The following COG5 variants were observed in gnomAD, a reference collection of about 807,000 sequenced individuals.
COG5 encodes the protein component of oligomeric golgi complex 5, also known as conserved oligomeric Golgi complex subunit 5.
In COG5, 86 loss-of-function variants were observed where a neutral mutation model predicts 110.4. The observed-to-expected ratio is 0.78, with a 90% CI of 0.65 to 0.93. The LOEUF is 0.93. Ranked by LOEUF, COG5 falls within the 40% of genes least tolerant of loss-of-function variation. COG5 has a pLI of 0.00. For synonymous variants in COG5, 360 were observed against 334.6 expected (o/e 1.08, Z -0.83); for missense variants, 1,077 against 987.0 (o/e 1.09, Z -1.22).
chr7:107,467,473 C>A (rs1796362971), intron 6 of COG5, among the ~76,000 whole-genome samples: 1 of 152,146 alleles, frequency 6.6e-6, no homozygotes, highest in South Asian at 2.1e-4. Context: ...TCTCATTCCT[C>A]AACCTCGCGA....
At chr7:107,366,200 G>A (rs909282361) in intron 8 of COG5, among the ~76,000 whole-genome samples, 3 of 152,004 alleles carry the variant, frequency 2.0e-5, no homozygotes, top group Non-Finnish European at 2.9e-5. Context: ...TATAATAAAC[G>A]AGAGTGAAAA....
At chr7:107,435,155 G>A (rs936377120) in intron 6 of COG5, among the ~76,000 whole-genome samples, 1 of 152,058 alleles carries the variant, frequency 6.6e-6, no homozygotes, top group African/African-American at 2.4e-5. Flanking sequence ...AGGTGGGGGA[G>A]AGGAAAATTA....
At chr7:107,514,500 A>AT (rs1023708340) in intron 6 of COG5, among the ~76,000 whole-genome samples, 6 of 152,146 alleles carry the variant, frequency 3.9e-5, no homozygotes, top group Admixed American at 6.5e-5. Context: ...TAATAATGTG[A>AT]TTTTTTTAAA....
chr7:107,209,790 A>G (rs1799031498), intron 21 of COG5: 1 of 981,790 alleles, frequency 1.0e-6, no homozygotes, highest in Non-Finnish European at 1.2e-6. Flanking sequence ...AGCATCAATA[A>G]AAATGTGCTG....
At chr7:107,377,760 G>C (rs1366285791) in intron 7 of COG5, among the ~76,000 whole-genome samples, 1 of 152,182 alleles carries the variant, frequency 6.6e-6, no homozygotes, top group East Asian at 1.9e-4. Flanking sequence ...CCTCCTTTCT[G>C]GGCAGGGCAT....
chr7:107,490,873 C>T (rs1015956167), intron 6 of COG5, among the ~76,000 whole-genome samples: 1 of 151,988 alleles, frequency 6.6e-6, no homozygotes, highest in Non-Finnish European at 1.5e-5. Flanking sequence ...TATTATGAAG[C>T]CTCTAAAGTA....
At chr7:107,338,881 A>T (rs1810936545) in intron 10 of COG5, among the ~76,000 whole-genome samples, 1 of 152,160 alleles carries the variant, frequency 6.6e-6, no homozygotes. Flanking sequence ...GGGAGTTCTA[A>T]CCATGGAAAT....
intron 3 of COG5, among the ~76,000 whole-genome samples, chr7:107,553,691 C>G (rs1803088929): frequency 6.6e-6 from 1 of 151,836 alleles, no homozygotes; most frequent in Admixed American, 6.6e-5. Context: ...CAAAAATAAG[C>G]AGATTTGTAA....
intron 6 of COG5, among the ~76,000 whole-genome samples, chr7:107,429,332 A>C (rs138126736): frequency 6.6e-6 from 1 of 152,092 alleles, no homozygotes; most frequent in Non-Finnish European, 1.5e-5. Context: ...GGGGGTGTAA[A>C]GTGGTATATC....
intron 19 of COG5, among the ~76,000 whole-genome samples, chr7:107,229,139 G>T (rs1011752212): frequency 6.6e-6 from 1 of 151,966 alleles, no homozygotes; most frequent in Non-Finnish European, 1.5e-5. Flanking sequence ...CTTAGGGTTG[G>T]CCACCTTTTT....
At chr7:107,515,862 G>T (rs1799884030) in intron 6 of COG5, among the ~76,000 whole-genome samples, 1 of 152,074 alleles carries the variant, frequency 6.6e-6, no homozygotes, top group African/African-American at 2.4e-5. Context: ...AAGTTTCTAA[G>T]CCAGAAAGAG....
intron 8 of COG5, among the ~76,000 whole-genome samples, chr7:107,372,233 G>A (rs1222996559): frequency 6.6e-6 from 1 of 152,102 alleles, no homozygotes; most frequent in Non-Finnish European, 1.5e-5. Context: ...AAGTAGAGAC[G>A]GCATTCCTTA....
At chr7:107,442,787 C>T (rs1584829068) in intron 6 of COG5, among the ~76,000 whole-genome samples, 1 of 151,662 alleles carries the variant, frequency 6.6e-6, no homozygotes, top group Non-Finnish European at 1.5e-5. Context: ...AATACAAATA[C>T]AAGATTTTAA....
At chr7:107,370,202 T>C (rs910725652) in intron 8 of COG5, among the ~76,000 whole-genome samples, 5 of 152,162 alleles carry the variant, frequency 3.3e-5, no homozygotes, top group African/African-American at 1.2e-4. Flanking sequence ...ATCTCCTGTG[T>C]AGTGGTTGTG....
At chr7:107,227,891 G>C (rs1054340878) in intron 19 of COG5, among the ~76,000 whole-genome samples, 8 of 152,064 alleles carry the variant, frequency 5.3e-5, no homozygotes, top group African/African-American at 1.9e-4. Context: ...GTACTTTTTG[G>C]TAGAGATGGG....
chr7:107,283,858 AGAAAAT>A (rs1805397988), intron 12 of COG5, 126 bp from the exon 13 acceptor site: 2 of 693,884 alleles, frequency 2.9e-6, no homozygotes, highest in South Asian at 3.3e-5. Context: ...ATTAAGAAAA[AGAAAAT>A]AATTTGTTTC....
At chr7:107,391,520 C>T (rs1790623234) in intron 7 of COG5, among the ~76,000 whole-genome samples, 1 of 152,118 alleles carries the variant, frequency 6.6e-6, no homozygotes, top group African/African-American at 2.4e-5. Context: ...GCTTTTGTTA[C>T]CTGTGCTTTT....
intron 14 of COG5, among the ~76,000 whole-genome samples, chr7:107,280,858 T>A (rs1244489546): frequency 6.6e-6 from 1 of 152,060 alleles, no homozygotes; most frequent in Non-Finnish European, 1.5e-5. Context: ...AAATTTTACG[T>A]ACTTTACTTC....
chr7:107,551,731 C>T (rs1802902789), intron 3 of COG5, among the ~76,000 whole-genome samples: 2 of 152,302 alleles, frequency 1.3e-5, no homozygotes, highest in Admixed American at 6.5e-5. Flanking sequence ...GATCCTCCTA[C>T]ATCAGCCTCC....
Sources: gnomAD v4.1 joint callset for allele counts (sites outside exome capture counted in the v4.1 genomes callset) on GRCh38, gnomAD v4.1.1 for gene constraint, MANE v1.5 for transcripts, NCBI Gene and HGNC (gene_info 2026-07-23, HGNC 2026-07-21) for gene names.